Variants in GRAMD1C observed in about 807,000 individuals in gnomAD.
GRAMD1C encodes protein Aster-C.
GRAMD1C carries 89 observed loss-of-function variants against 97.8 expected under a neutral mutation model. That is an observed-to-expected ratio of 0.91 (90% CI 0.77 to 1.09). The LOEUF is 1.09. Among genes scored for constraint, GRAMD1C ranks in the 50% least tolerant of loss-of-function variants. The pLI, the probability that GRAMD1C is intolerant of heterozygous loss-of-function variation, is 0.00. For missense variants in GRAMD1C, 740 were observed against 766.4 expected (o/e 0.97, Z 0.41); for synonymous variants, 256 against 267.0 (o/e 0.96, Z 0.40).
At chr3:113,894,703 T>A (rs762314980) in intron 6 of GRAMD1C, among the ~76,000 whole-genome samples, 6 of 152,150 alleles carry the variant, frequency 3.9e-5, no homozygotes, top group African/African-American at 7.2e-5. Context: ...CAATCCAGGG[T>A]CTAATAGAGC....
At chr3:113,848,890 A>C (rs1354865675) in intron 2 of GRAMD1C, among the ~76,000 whole-genome samples, 1 of 152,234 alleles carries the variant, frequency 6.6e-6, no homozygotes, top group Non-Finnish European at 1.5e-5. Context: ...TTAAACAATA[A>C]AAATTATGTG....
chr3:113,851,555 G>A (rs1933906908), intron 2 of GRAMD1C, among the ~76,000 whole-genome samples: 1 of 136,650 alleles, frequency 7.3e-6, no homozygotes, highest in African/African-American at 2.8e-5. Context: ...GTCTCACTCT[G>A]TTGCCCAGGC....
chr3:113,920,083 G>T (rs1315785804), intron 10 of GRAMD1C: 2 of 1,202,716 alleles, frequency 1.7e-6, no homozygotes, highest in East Asian at 2.4e-5. Flanking sequence ...ACTTCAAACA[G>T]CAGGAGATCA....
chr3:113,866,407 T>C (rs1255350240), intron 2 of GRAMD1C, among the ~76,000 whole-genome samples: 2 of 152,222 alleles, frequency 1.3e-5, no homozygotes, highest in African/African-American at 4.8e-5. Flanking sequence ...CTCATCCTTT[T>C]ACTTTCAACT....
intron 17 of GRAMD1C, among the ~76,000 whole-genome samples, chr3:113,942,964 T>C (rs1049307902): frequency 2.6e-5 from 4 of 152,234 alleles, no homozygotes; most frequent in African/African-American, 9.6e-5. Flanking sequence ...TGCTGAGTCA[T>C]CCATCTGCTT....
intron 5 of GRAMD1C, among the ~76,000 whole-genome samples, chr3:113,881,386 G>A (rs1935255897): frequency 6.6e-6 from 1 of 152,222 alleles, no homozygotes; most frequent in Non-Finnish European, 1.5e-5. Flanking sequence ...TTGAGCTCCT[G>A]ACCTCAGGTG....
At chr3:113,861,612 T>A (rs1445557513) in intron 2 of GRAMD1C, among the ~76,000 whole-genome samples, 1 of 152,214 alleles carries the variant, frequency 6.6e-6, no homozygotes, top group Admixed American at 6.5e-5. Flanking sequence ...AAATATTGGA[T>A]AAGGGACTTG....
rs548067076 is a variant in GRAMD1C, at chr3:113,876,402, T to C, written c.459+142T>C. On this transcript the variant is annotated intron_variant, in intron 5 of 17. Coordinates refer to ENST00000358160, the MANE Select transcript of GRAMD1C (RefSeq NM_017577.5). ...ATATGTTTAATACTAGAATTCTGTA[T>C]GCAGTTATATTAGTGGTTAACTTTA... The C allele has an allele frequency of 1.1e-5, 6 of 559,028 alleles. No homozygotes were observed. In the South Asian group the frequency reaches 1.8e-4, roughly 16 times the overall value. 34.6% of individuals were successfully genotyped at this position (559,028 alleles called of 1,614,324 possible).
At chr3:113,888,348 G>A (rs918131774) in intron 6 of GRAMD1C, among the ~76,000 whole-genome samples, 1 of 152,172 alleles carries the variant, frequency 6.6e-6, no homozygotes, top group African/African-American at 2.4e-5. Flanking sequence ...GAAGAAATGG[G>A]GAGATGTTGG....
At chr3:113,911,685 C>T (rs1936586464) in intron 9 of GRAMD1C, among the ~76,000 whole-genome samples, 1 of 9,710 alleles carries the variant, frequency 1.0e-4, no homozygotes, top group African/African-American at 2.2e-4. Context: ...CTCTCTTTCT[C>T]TCTCTGTTTC....
chr3:113,871,483 C>T (rs990832277), intron 3 of GRAMD1C, among the ~76,000 whole-genome samples: 7 of 151,230 alleles, frequency 4.6e-5, no homozygotes, highest in South Asian at 2.1e-4. Context: ...TCCTGGACAA[C>T]GTAGTGAGAC....
intron 1 of GRAMD1C, among the ~76,000 whole-genome samples, chr3:113,833,200 C>T (rs1291170914): frequency 6.9e-6 from 1 of 144,164 alleles, no homozygotes. Flanking sequence ...TGCAATAGTG[C>T]TGTCTTGGCT....
At chr3:113,876,726 A>T (rs1935052206) in intron 5 of GRAMD1C, among the ~76,000 whole-genome samples, 1 of 152,154 alleles carries the variant, frequency 6.6e-6, no homozygotes, top group Non-Finnish European at 1.5e-5. Context: ...GCCATTTCTT[A>T]GTGGGGATAT....
At chr3:113,845,795 TA>T (rs1190953062) in intron 2 of GRAMD1C, among the ~76,000 whole-genome samples, 1 of 152,110 alleles carries the variant, frequency 6.6e-6, no homozygotes, top group Non-Finnish European at 1.5e-5. Flanking sequence ...TAGAGTAGGC[TA>T]AAAAAAGATT....
intron 5 of GRAMD1C, among the ~76,000 whole-genome samples, chr3:113,882,418 TAA>T (rs1469041973): frequency 6.6e-6 from 1 of 152,130 alleles, no homozygotes; most frequent in African/African-American, 2.4e-5. Flanking sequence ...CAGAATAAAA[TAA>T]AGTTTCATTT....
At chr3:113,925,474 A>AAAAC (rs146296542) in intron 10 of GRAMD1C, among the ~76,000 whole-genome samples, 81,085 of 150,598 alleles carry the variant, frequency 0.54, 21,842 homozygotes, top group African/African-American at 0.55. Context: ...TGTGTCTCAA[A>AAAAC]AAACAAACAA....
chr3:113,889,997 C>G (rs1355711070), intron 6 of GRAMD1C, among the ~76,000 whole-genome samples: 3 of 152,104 alleles, frequency 2.0e-5, no homozygotes, highest in Non-Finnish European at 4.4e-5. Context: ...TCCCTACTCC[C>G]CAGCTAAGCA....
intron 5 of GRAMD1C, among the ~76,000 whole-genome samples, chr3:113,882,409 A>G (rs1237208441): frequency 6.6e-6 from 1 of 152,188 alleles, no homozygotes; most frequent in African/African-American, 2.4e-5. Context: ...CGCAAAGTTC[A>G]GAATAAAATA....
intron 10 of GRAMD1C, among the ~76,000 whole-genome samples, chr3:113,918,654 ACT>A (rs1479104013): frequency 6.6e-6 from 1 of 152,212 alleles, no homozygotes; most frequent in African/African-American, 2.4e-5. Context: ...TGCAAAGCAT[ACT>A]GCTATCTTCT....
Sources: allele counts gnomAD v4.1 joint callset (sites outside exome capture counted in the v4.1 genomes callset), GRCh38; gene constraint gnomAD v4.1.1; transcripts MANE v1.5; gene names NCBI Gene and HGNC (gene_info 2026-07-23, HGNC 2026-07-21).